SORCS2: variants seen among roughly 807,000 people sequenced by gnomAD.
SORCS2 encodes the protein VPS10 domain-containing receptor SorCS2.
In SORCS2, 100 loss-of-function variants were observed where a neutral mutation model predicts 141.6. The observed-to-expected ratio is 0.71, with a 90% confidence interval of 0.60 to 0.83. SORCS2 has a LOEUF of 0.83. Among genes scored for constraint, SORCS2 ranks in the 40% least tolerant of loss-of-function variants. The pLI is 0.00. For synonymous variants in SORCS2, 789 were observed against 676.9 expected, an observed-to-expected ratio of 1.17 and a Z score of -2.57; for missense variants, 1,646 against 1,560.2, an observed-to-expected ratio of 1.05 and a Z score of -0.93.
intron 2 of SORCS2, chr4:7,430,279 C>T (rs1264787747): frequency 6.7e-6 from 1 of 149,930 alleles, no homozygotes; most frequent in Non-Finnish European, 1.5e-5. Context: ...AAAAAAGAGA[C>T]AGAGAGAGAG....
chr4:7,258,758 C>T (rs958051384), intron 1 of SORCS2, among the ~76,000 whole-genome samples: 7 of 152,222 alleles, frequency 4.6e-5, no homozygotes, highest in East Asian at 3.8e-4. Flanking sequence ...TTTACACTCC[C>T]GCCAACGGTG....
rs1228071427 is a variant in SORCS2 at position 7,192,894 on chromosome 4, A to G, written c.248A>G (p.Asp83Gly). 8 of 1,144,348 alleles carry G rather than the reference A, an allele frequency of 7.0e-6. No individual in the cohort carries two copies. The highest frequency in any genetic ancestry group is 8.6e-6 in the Non-Finnish European group (8 of 933,570). The allele number at this position is 1,144,348 out of a possible 1,614,324, so 70.9% of individuals were successfully genotyped here. A position where few individuals can be genotyped will look rare whatever the true frequency, so the allele number is the denominator to read the frequency against. ...AGRAEPGGGE[D>G]RQARGTEPGA... ...CGCGCGGAGCCCGGTGGCGGCGAGG[A>G]CCGGCAGGCGCGCGGCACGGAGCCA... The change falls in exon 1 of 27, where the codon GAC becomes GGC. Residue 83 changes from aspartate (D) to glycine (G), a missense_variant. Coordinates refer to ENST00000507866, the MANE Select transcript of SORCS2 (RefSeq NM_020777.3). This position sits in a 1 kb window ranked among gnomAD's most constrained non-coding sequence, Gnocchi z 4.0.
chr4:7,390,300 G>A (rs1723772254), intron 1 of SORCS2, among the ~76,000 whole-genome samples: 1 of 152,164 alleles, frequency 6.6e-6, no homozygotes, highest in Non-Finnish European at 1.5e-5. Context: ...TGATTCTTGA[G>A]CCTCCGAAAG....
intron 26 of SORCS2, among the ~76,000 whole-genome samples, chr4:7,737,733 C>T (rs139983326): frequency 3.9e-5 from 6 of 152,226 alleles, no homozygotes; most frequent in South Asian, 2.1e-4. Context: ...CCCACCTCAG[C>T]GGCGTAGCAT....
chr4:7,418,423 C>T (rs1429541480), intron 2 of SORCS2, among the ~76,000 whole-genome samples: 1 of 152,104 alleles, frequency 6.6e-6, no homozygotes, highest in Non-Finnish European at 1.5e-5. Flanking sequence ...AGTTAGCCAA[C>T]AGTTAGAGGG....
intron 3 of SORCS2, among the ~76,000 whole-genome samples, chr4:7,628,752 C>T (rs1431884805): frequency 6.6e-6 from 1 of 151,900 alleles, no homozygotes; most frequent in Admixed American, 6.6e-5. Context: ...GTGGGAGCTG[C>T]ACTTTGGGGT....
At chr4:7,592,325 A>T (rs561826172) in intron 3 of SORCS2, among the ~76,000 whole-genome samples, 30 of 152,256 alleles carry the variant, frequency 2.0e-4, no homozygotes, top group African/African-American at 7.0e-4. Context: ...CCGGTTCTAC[A>T]GTTGCCTTAC....
chr4:7,698,358 G>C (rs1724842200), intron 12 of SORCS2, among the ~76,000 whole-genome samples: 1 of 152,232 alleles, frequency 6.6e-6, no homozygotes, highest in Non-Finnish European at 1.5e-5. Flanking sequence ...TGATCCCAAA[G>C]TGCAGGCTTC....
At chr4:7,539,711 C>T (rs1032605579) in intron 3 of SORCS2, among the ~76,000 whole-genome samples, 207 of 36,642 alleles carry the variant, frequency 5.6e-3, no homozygotes, top group South Asian at 0.052. Flanking sequence ...CCCCTTCCTG[C>T]TGTGGAGGCC....
intron 1 of SORCS2, among the ~76,000 whole-genome samples, chr4:7,282,678 C>T (rs1715957590): frequency 6.6e-6 from 1 of 152,100 alleles, no homozygotes; most frequent in Non-Finnish European, 1.5e-5. Context: ...CTGTAGGACC[C>T]TAGGTTGGAG....
chr4:7,724,283 G>GGTGA (rs1726861625), intron 19 of SORCS2, among the ~76,000 whole-genome samples: 1 of 136,198 alleles, frequency 7.3e-6, no homozygotes, highest in African/African-American at 3.1e-5. Flanking sequence ...GGTGGTGGTG[G>GGTGA]TGGTGGTGAT....
intron 2 of SORCS2, among the ~76,000 whole-genome samples, chr4:7,454,407 G>A (rs1181131895): frequency 4.0e-5 from 5 of 125,630 alleles, no homozygotes; most frequent in Non-Finnish European, 6.6e-5. Context: ...GGGGTCAGGT[G>A]CTGTGTTGGG....
At chr4:7,738,818 G>A in intron 26 of SORCS2, among the ~76,000 whole-genome samples, 1 of 152,178 alleles carries the variant, frequency 6.6e-6, no homozygotes, top group East Asian at 1.9e-4. Flanking sequence ...ACACTGTCTT[G>A]AGAGGGGTCA....
intron 1 of SORCS2, among the ~76,000 whole-genome samples, chr4:7,370,039 G>A (rs1439928443): frequency 6.6e-6 from 1 of 152,258 alleles, no homozygotes; most frequent in Non-Finnish European, 1.5e-5. Flanking sequence ...AGCCACGTGA[G>A]TGCTGGGATC....
At chr4:7,738,559 G>A (rs1371304655) in intron 26 of SORCS2, among the ~76,000 whole-genome samples, 3 of 152,130 alleles carry the variant, frequency 2.0e-5, no homozygotes, top group Non-Finnish European at 2.9e-5. Flanking sequence ...CCGTTGCTGC[G>A]GGGTTCTGCG....
chr4:7,502,195 A>G (rs1321563708), intron 2 of SORCS2, among the ~76,000 whole-genome samples: 2 of 152,196 alleles, frequency 1.3e-5, no homozygotes, highest in African/African-American at 4.8e-5. Flanking sequence ...CTGGTGCTCA[A>G]GATCTACTTG....
intron 3 of SORCS2, among the ~76,000 whole-genome samples, chr4:7,598,766 C>T (rs1339068931): frequency 6.6e-6 from 1 of 152,172 alleles, no homozygotes; most frequent in Non-Finnish European, 1.5e-5. Context: ...TCCAGAAGTG[C>T]AGTCCAAAGG....
intron 1 of SORCS2, among the ~76,000 whole-genome samples, chr4:7,326,941 G>A (rs978879063): frequency 3.3e-5 from 5 of 152,210 alleles, no homozygotes; most frequent in African/African-American, 9.6e-5. Context: ...GGGTGCAGTG[G>A]CCTCTCCTGT....
At chr4:7,684,297 G>A (rs1013278172) in intron 10 of SORCS2, among the ~76,000 whole-genome samples, 3 of 152,188 alleles carry the variant, frequency 2.0e-5, no homozygotes, top group Non-Finnish European at 2.9e-5. Flanking sequence ...CATCCCTTTG[G>A]CATTGGAGTG....
Sources: gnomAD v4.1 joint callset for allele counts (sites outside exome capture counted in the v4.1 genomes callset) on GRCh38, gnomAD v4.1.1 for gene constraint, Gnocchi (gnomAD v3.1) non-coding constraint, MANE v1.5 for transcripts, NCBI Gene and HGNC (gene_info 2026-07-23, HGNC 2026-07-21) for gene names.